MALRD1: variants seen among roughly 807,000 people sequenced by gnomAD.
The protein encoded by MALRD1 is MAM and LDL-receptor class A domain-containing protein 1.
In MALRD1, 247 loss-of-function variants were observed where a neutral mutation model predicts 242.1. The observed-to-expected ratio is 1.02, with a 90% CI of 0.92 to 1.13. The LOEUF (loss-of-function observed/expected upper bound fraction) is 1.13. Among genes scored for constraint, MALRD1 ranks in the 50% most tolerant of loss-of-function variants. The probability of loss-of-function intolerance (pLI) is 0.00; values close to 1 mark genes in which losing one functional copy is unlikely to be tolerated. For missense variants in MALRD1, 2,989 were observed against 2,533.1 expected (o/e 1.18, Z -3.86); for synonymous variants, 995 against 866.6 (o/e 1.15, Z -2.60).
At position 19,088,144 on chromosome 10, in the gene MALRD1, G is replaced by A. The variant is rs1434628137; in HGVS notation, c.556G>A (p.Glu186Lys). ...CACAGCTGCACTCCCAAATCAGTGG[G>A]AGAGAAATGTCATCAAAATCCAGAG... ...QNTAALPNQW[E>K]RNVIKIQSSQ... The change falls in exon 4 of 40, where the codon GAG becomes AAG. Residue 186 changes from glutamate (E) to lysine (K), a missense_variant. Coordinates refer to ENST00000454679, the MANE Select transcript of MALRD1 (RefSeq NM_001142308.3). The A allele has an allele frequency of 2.4e-6, 3 of 1,233,494 alleles. No homozygotes were observed. Among genetic ancestry groups the A allele is most frequent in the Non-Finnish European group, 3.0e-6 (3 of 987,874 alleles). The allele number at this position is 1,233,494 out of a possible 1,614,324, so 76.4% of individuals were successfully genotyped here. A position where few individuals can be genotyped will look rare whatever the true frequency, so the allele number is the denominator to read the frequency against.
chr10:19,446,574 A>T (rs920248243), intron 28 of MALRD1, among the ~76,000 whole-genome samples: 1 of 152,156 alleles, frequency 6.6e-6, no homozygotes, highest in Non-Finnish European at 1.5e-5. Context: ...AGTGTTTCTT[A>T]TTGCCTTTCT....
intron 17 of MALRD1, 108 bp downstream of exon 17, chr10:19,205,373 A>G: frequency 7.8e-7 from 1 of 1,283,314 alleles, no homozygotes; most frequent in South Asian, 1.6e-5. Context: ...GCATAGCTCC[A>G]AAGCTGATGA....
At chr10:19,452,391 T>G (rs1341738102) in intron 29 of MALRD1, among the ~76,000 whole-genome samples, 1 of 152,220 alleles carries the variant, frequency 6.6e-6, no homozygotes, top group East Asian at 1.9e-4. Context: ...TAAGTTATAC[T>G]TTAATATCTT....
At chr10:19,694,881 AC>A (rs1180816369) in intron 38 of MALRD1, among the ~76,000 whole-genome samples, 1 of 152,220 alleles carries the variant, frequency 6.6e-6, no homozygotes. Flanking sequence ...ACCATGGAAT[AC>A]TATGCAGCCA....
At chr10:19,351,859 A>C in intron 25 of MALRD1, 147 bp from the exon 26 acceptor site, 1 of 745,438 alleles carries the variant, frequency 1.3e-6, no homozygotes, top group African/African-American at 1.8e-5. Context: ...TCAGTGTTAA[A>C]GTGCAGACAG....
intron 31 of MALRD1, among the ~76,000 whole-genome samples, chr10:19,515,285 C>A (rs1306948753): frequency 1.3e-5 from 2 of 152,096 alleles, no homozygotes; most frequent in Non-Finnish European, 2.9e-5. Flanking sequence ...CACTAGGAAG[C>A]AAACAACTGA....
intron 34 of MALRD1, among the ~76,000 whole-genome samples, chr10:19,601,074 G>T (rs955207601): frequency 1.4e-4 from 22 of 152,046 alleles, no homozygotes; most frequent in Admixed American, 1.4e-3. Context: ...TAGAGGTAGG[G>T]TCTTGCTAGG....
intron 21 of MALRD1, among the ~76,000 whole-genome samples, chr10:19,305,150 G>A (rs1261451537): frequency 6.6e-6 from 1 of 151,592 alleles, no homozygotes; most frequent in Non-Finnish European, 1.5e-5. Context: ...GCCAGTATAC[G>A]GAGTCTTGTT....
chr10:19,047,664 G>A (rs185128577), upstream of MALRD1, among the ~76,000 whole-genome samples: 1 of 152,244 alleles, frequency 6.6e-6, no homozygotes, highest in East Asian at 1.9e-4. Flanking sequence ...CTGAAGCACA[G>A]TGCAACAAAA....
At chr10:19,235,622 G>A (rs1564488897) in intron 18 of MALRD1, among the ~76,000 whole-genome samples, 1 of 148,962 alleles carries the variant, frequency 6.7e-6, no homozygotes, top group Non-Finnish European at 1.5e-5. Flanking sequence ...GAGCGCCTAG[G>A]TAAGAGGCCA....
chr10:19,094,641 C>A (rs550560862), intron 4 of MALRD1, among the ~76,000 whole-genome samples: 2 of 152,282 alleles, frequency 1.3e-5, no homozygotes, highest in African/African-American at 2.4e-5. Flanking sequence ...CCTTTCATTT[C>A]TTTTTCCTTC....
rs61336082 is a variant in MALRD1, at chr10:19,228,727, C to G, written c.2991+19047C>G. 9.6e-3 allele frequency among the ~76,000 whole-genome samples: 1,467 copies of G among 152,158 alleles called. 25 individuals carry two copies. The highest frequency in any genetic ancestry group is 0.032 in the African/African-American group (1,324 of 41,512). ...CTTAGGATGTCGTTACAGCTATGCT[C>G]TATATTGGAGTCTCTGATGAAATCA... is the stretch of plus-strand genomic sequence containing the variant. On this transcript the variant is annotated intron_variant, in intron 18 of 39. Transcript: ENST00000454679.
chr10:19,520,922 C>T (rs936224529), intron 31 of MALRD1, among the ~76,000 whole-genome samples: 1 of 152,130 alleles, frequency 6.6e-6, no homozygotes, highest in African/African-American at 2.4e-5. Context: ...TCAAATATTC[C>T]TTCCTTTACT....
intron 39 of MALRD1, among the ~76,000 whole-genome samples, chr10:19,733,953 A>G (rs1202691196): frequency 2.0e-5 from 3 of 151,912 alleles, no homozygotes; most frequent in Non-Finnish European, 4.4e-5. Context: ...AGTCCTGAGG[A>G]CCCCAGGATA....
intron 38 of MALRD1, among the ~76,000 whole-genome samples, chr10:19,704,359 C>T (rs1248268505): frequency 2.0e-5 from 3 of 152,150 alleles, no homozygotes; most frequent in African/African-American, 2.4e-5. Flanking sequence ...TGAGGACCCT[C>T]TCTCTGGCTT....
chr10:19,194,852 T>A (rs1368721712), intron 14 of MALRD1, among the ~76,000 whole-genome samples: 2 of 152,192 alleles, frequency 1.3e-5, no homozygotes, highest in Non-Finnish European at 2.9e-5. Context: ...TATTGTTACA[T>A]CTAAAAGTCA....
intron 33 of MALRD1, among the ~76,000 whole-genome samples, chr10:19,575,841 A>T (rs1342949263): frequency 2.0e-5 from 3 of 152,132 alleles, no homozygotes; most frequent in Admixed American, 1.3e-4. Flanking sequence ...ATGATTGTTC[A>T]TCAGAATCTC....
At chr10:19,653,206 T>A (rs1050209545) in intron 36 of MALRD1, among the ~76,000 whole-genome samples, 2 of 137,170 alleles carry the variant, frequency 1.5e-5, no homozygotes, top group African/African-American at 5.4e-5. Flanking sequence ...ATTATTATTA[T>A]TTTTTTTTGA....
intron 29 of MALRD1, among the ~76,000 whole-genome samples, chr10:19,476,577 G>T (rs1292872698): frequency 6.6e-6 from 1 of 152,108 alleles, no homozygotes; most frequent in Non-Finnish European, 1.5e-5. Context: ...GAACTGCCTT[G>T]CTGGTGTGCT....
Sources: allele counts gnomAD v4.1 joint callset (sites outside exome capture counted in the v4.1 genomes callset), GRCh38; gene constraint gnomAD v4.1.1; transcripts MANE v1.5; gene names NCBI Gene and HGNC (gene_info 2026-07-23, HGNC 2026-07-21).